The following PRR12 variants were observed in gnomAD, a reference collection of about 807,000 sequenced individuals.
The protein encoded by PRR12 is proline rich 12.
In PRR12, 12 loss-of-function variants were observed where a neutral mutation model predicts 138.0. That is an observed-to-expected ratio of 0.09 (90% confidence interval 0.06 to 0.14). The LOEUF is 0.14. PRR12 is among the 10% of genes least tolerant of loss of function. The pLI is 1.00. For synonymous variants in PRR12, 1,567 were observed against 1,291.7 expected (o/e 1.21, Z -4.57); for missense variants, 2,692 against 2,861.3 (o/e 0.94, Z 1.35).
intron 5 of PRR12, among the ~76,000 whole-genome samples, chr19:49,600,526 C>T (rs1047308561): frequency 6.6e-6 from 1 of 151,244 alleles, no homozygotes; most frequent in African/African-American, 2.4e-5. Context: ...TGGACCACAC[C>T]TGTAATCCTA....
intron 8 of PRR12, among the ~76,000 whole-genome samples, chr19:49,615,273 G>A (rs2080885821): frequency 2.0e-5 from 3 of 150,386 alleles, no homozygotes; most frequent in African/African-American, 7.4e-5. Context: ...AGAACCAGAC[G>A]CATGAGGGAG....
At position 49,597,610 on chromosome 19, in the gene PRR12, A is replaced by G. The variant is rs2080782949; in HGVS notation, c.3275A>G (p.Lys1092Arg). Residue 1092 changes from lysine to arginine, a missense_variant, in exon 4 of 14, where the codon AAG (lysine) becomes AGG (arginine). Coordinates refer to ENST00000418929, the MANE Select transcript of PRR12 (RefSeq NM_020719.3). This position sits in a 1 kb window ranked among gnomAD's most constrained non-coding sequence, Gnocchi z 6.3. ...CGCGACCCACCCTTCCAGACCCCCA[A>G]GAAGCTGTACGCCCAGGAGTACGAG... ...RRRDPPFQTP[K>R]KLYAQEYEFE... 1 of 1,609,996 alleles carries G rather than the reference A, an allele frequency of 6.2e-7. No homozygotes were observed. The highest frequency in any genetic ancestry group is 8.5e-7 in the Non-Finnish European group (1 of 1,178,896).
rs1016533763 is a variant in PRR12 at position 49,616,397 on chromosome 19, G to C, written c.5497+178G>C. Among the ~76,000 whole-genome samples the C allele has an allele frequency of 1.3e-5, 2 of 152,106 alleles. No individual in the cohort carries two copies. The highest frequency in any genetic ancestry group is 4.8e-5 in the African/African-American group (2 of 41,404). On this transcript the variant is annotated intron_variant, in intron 9 of 13. Transcript: ENST00000418929. This position sits in a 1 kb window ranked among gnomAD's most constrained non-coding sequence, Gnocchi z 4.2. ...TACACGACAGGCTGCCTCCTGAGAA[G>C]CTGATGGATGTTAACTTGTGTAATT... is the stretch of plus-strand genomic sequence containing the variant.
chr19:49,620,294 A>G, intron 9 of PRR12, 58 bp from the exon 10 acceptor site: 1 of 1,604,894 alleles, frequency 6.2e-7, no homozygotes, highest in Non-Finnish European at 8.5e-7. Context: ...AGTGTCTGCC[A>G]CACAGGTGGT....
rs1431492702 is a variant in PRR12 at position 49,595,498 on chromosome 19, G to T, written c.1163G>T (p.Gly388Val). The T allele has an allele frequency of 2.6e-6, 4 of 1,558,986 alleles. No individual in the cohort carries two copies. Among genetic ancestry groups the T allele is most frequent in the Non-Finnish European group, 3.5e-6 (4 of 1,152,372 alleles). The change falls in exon 4 of 14, where the codon GGG becomes GTG. Residue 388 changes from glycine to valine, a missense_variant. Gly to Val is a moderately radical substitution (Grantham distance 109). This residue lies in a region of PRR12 where 523 missense variants were observed against 496.4 expected (regional missense o/e 1.05). Transcript: ENST00000418929. ...TACCGCCCCATCATTCAGTCGCCTGGGTACAAGACGGGCAAAGGTGGTTAT... is the reference window on the plus strand; with the variant it reads ...TACCGCCCCATCATTCAGTCGCCTGTGTACAAGACGGGCAAAGGTGGTTAT... The part of the protein sequence containing the change: ...GGYRPIIQSP[G>V]YKTGKGGYGA...
intron 5 of PRR12, among the ~76,000 whole-genome samples, chr19:49,600,216 CAG>C (rs757421265): frequency 2.6e-5 from 4 of 151,946 alleles, no homozygotes; most frequent in East Asian, 1.9e-4. Flanking sequence ...AGGGACAGGA[CAG>C]GGGCTACTCA....
rs201161028 is a variant in PRR12 at position 49,599,510 on chromosome 19, C to T, written c.3917C>T (p.Pro1306Leu). ...CTCTACCAGGCGGGCCTGACGCCTCCGCTCAGCCCTCCCAAGAGTGTGCCA... is the reference window on the plus strand; with the variant it reads ...CTCTACCAGGCGGGCCTGACGCCTCTGCTCAGCCCTCCCAAGAGTGTGCCA... The part of the protein sequence containing the change: ...PPLYQAGLTP[P>L]LSPPKSVPPS... Residue 1306 changes from proline (P) to leucine (L), a missense_variant, in exon 5 of 14, where the codon CCG becomes CTG. Physicochemically the swap from Pro to Leu is moderately conservative, Grantham distance 98. This residue lies in a region of PRR12 where 326 missense variants were observed against 344.2 expected (regional missense o/e 0.95). Coordinates refer to ENST00000418929, the MANE Select transcript of PRR12 (RefSeq NM_020719.3). The surrounding 1 kb of genome is among the most constrained non-coding windows in gnomAD (Gnocchi z 5.0). 1.3e-4 allele frequency: 210 copies of T among 1,597,298 alleles called. No individual in the cohort carries two copies. Among genetic ancestry groups the T allele is most frequent in the Non-Finnish European group, 1.5e-4 (181 of 1,172,738 alleles).
rs1394022557 is a variant in PRR12, at chr19:49,596,723, G to A, written c.2388G>A (p.Pro796=). 7.5e-6 allele frequency: 12 copies of A among 1,604,038 alleles called. No homozygotes were observed. In the African/African-American group the frequency reaches 8.1e-5, roughly 11 times the overall value. Residue 796 remains proline (P), a synonymous_variant, in exon 4 of 14, where the codon CCG becomes CCA. Transcript: ENST00000418929. The surrounding 1 kb of genome is among the most constrained non-coding windows in gnomAD (Gnocchi z 5.6). ...CTGACCTCCCACTGGTGCTGCCTCC[G>A]CCTCCCCCCCAGCTGCTCCCCTCGG... ...GGPDLPLVLP[P]PPPQLLPSVL... is the part of the protein sequence containing the mutation.
intron 6 of PRR12, among the ~76,000 whole-genome samples, chr19:49,607,941 C>T (rs1011437467): frequency 1.3e-5 from 2 of 152,010 alleles, no homozygotes; most frequent in Non-Finnish European, 2.9e-5. Flanking sequence ...ATCACTTGAA[C>T]CTTGGAGGCG....
At chr19:49,603,568 T>G (rs1248402097) in intron 6 of PRR12, among the ~76,000 whole-genome samples, 3 of 152,086 alleles carry the variant, frequency 2.0e-5, no homozygotes, top group African/African-American at 7.2e-5. Context: ...AGGGCGCACC[T>G]GTGATCCCAT....
Position 49,597,355 on chromosome 19 carries a change from G to A in PRR12, c.3020G>A (p.Gly1007Asp). ...RASGAGPETPGLGLDPNKPPE... is the reference protein window; with the variant it reads ...RASGAGPETPDLGLDPNKPPE... ...TCGGGAGCCGGGCCCGAGACACCGGGCCTGGGCCTGGACCCCAACAAACCG... is the reference window on the plus strand; with the variant it reads ...TCGGGAGCCGGGCCCGAGACACCGGACCTGGGCCTGGACCCCAACAAACCG... The change falls in exon 4 of 14, where the codon GGC (glycine) becomes GAC (aspartate). Residue 1007 changes from glycine to aspartate, a missense_variant. Physicochemically the swap from Gly to Asp is moderately conservative, Grantham distance 94. Transcript: ENST00000418929. The surrounding 1 kb of genome is among the most constrained non-coding windows in gnomAD (Gnocchi z 6.3). 6.5e-7 allele frequency: 1 copy of A among 1,539,162 alleles called. No homozygotes were observed. The highest frequency in any genetic ancestry group is 8.7e-7 in the Non-Finnish European group (1 of 1,146,920).
Position 49,594,491 on chromosome 19 carries a change from G to A in PRR12, c.237G>A (p.Ala79=), listed in dbSNP as rs542662548. The part of the protein sequence containing the change: ...SGLFDTGLHH[A]GSAGPDASVM... ...TCTTCGACACTGGCCTCCACCACGC[G>A]GGCTCAGCAGGGCCCGACGCCTCCG... is the stretch of plus-strand genomic sequence containing the variant. The change falls in exon 3 of 14, where the codon GCG becomes GCA. Residue 79 remains alanine, a synonymous_variant. Transcript: ENST00000418929. The surrounding 1 kb of genome is among the most constrained non-coding windows in gnomAD (Gnocchi z 5.6). 90 of 1,612,678 alleles carry A rather than the reference G, an allele frequency of 5.6e-5. 1 individual carries two copies. Among genetic ancestry groups the A allele is most frequent in the South Asian group, 2.5e-4 (23 of 90,906 alleles).
chr19:49,616,942 A>C lies in PRR12; in HGVS notation c.5497+723A>C, dbSNP rs181842270. ...TCAGGAGTTCAAGACCAGCCTGACCAACATGGTGAAATCCCGGCTTTACTA... is the reference window on the plus strand; with the variant it reads ...TCAGGAGTTCAAGACCAGCCTGACCCACATGGTGAAATCCCGGCTTTACTA... On this transcript the variant is annotated intron_variant, in intron 9 of 13. Coordinates refer to ENST00000418929, the MANE Select transcript of PRR12 (RefSeq NM_020719.3). This position sits in a 1 kb window ranked among gnomAD's most constrained non-coding sequence, Gnocchi z 4.2. Among the ~76,000 whole-genome samples, 29 of 152,272 alleles carry C rather than the reference A, an allele frequency of 1.9e-4. No homozygotes were observed. Among genetic ancestry groups the C allele is most frequent in the Admixed American group, 3.9e-4 (6 of 15,296 alleles).
Position 49,614,467 on chromosome 19 carries a change from C to G in PRR12, c.4774-66C>G. The G allele has an allele frequency of 1.7e-6, 2 of 1,179,584 alleles. No individual in the cohort carries two copies. Among genetic ancestry groups the G allele is most frequent in the Non-Finnish European group, 2.3e-6 (2 of 855,540 alleles). 73.1% of individuals were successfully genotyped at this position (1,179,584 alleles called of 1,614,324 possible). A position where few individuals can be genotyped will look rare whatever the true frequency, so the allele number is the denominator to read the frequency against. ...GGTGAGGGAAGCCAGTGGGCCAGGGCGTAGGGGCAGTAGGTCTAGGAATGA... is the reference window on the plus strand; with the variant it reads ...GGTGAGGGAAGCCAGTGGGCCAGGGGGTAGGGGCAGTAGGTCTAGGAATGA... On this transcript the variant is annotated intron_variant, in intron 6 of 13. Coordinates refer to ENST00000418929, the MANE Select transcript of PRR12 (RefSeq NM_020719.3). This position sits in a 1 kb window ranked among gnomAD's most constrained non-coding sequence, Gnocchi z 5.0.
At position 49,598,031 on chromosome 19, in the gene PRR12, C is replaced by G; in HGVS notation, c.3678+18C>G. 1 of 1,331,934 alleles carries G rather than the reference C, an allele frequency of 7.5e-7. No homozygotes were observed. Among genetic ancestry groups the G allele is most frequent in the African/African-American group, 1.6e-5 (1 of 64,320 alleles). The allele number at this position is 1,331,934 out of a possible 1,614,324, so 82.5% of individuals were successfully genotyped here. On this transcript the variant is annotated intron_variant, in intron 4 of 13. Coordinates refer to ENST00000418929, the MANE Select transcript of PRR12 (RefSeq NM_020719.3). Reference sequence around the variant, plus strand: ...CACTTAAGGTGAGGGGAAATGGGGTCTTGTAGGGGATAGGGGAGGAGGAGC... The same window carrying G: ...CACTTAAGGTGAGGGGAAATGGGGTGTTGTAGGGGATAGGGGAGGAGGAGC...
At chr19:49,622,363 C>T (rs2080927476) in intron 11 of PRR12, among the ~76,000 whole-genome samples, 1 of 151,634 alleles carries the variant, frequency 6.6e-6, no homozygotes, top group African/African-American at 2.4e-5. Flanking sequence ...GGTAGATGGC[C>T]TGAGGTCAAG....
intron 5 of PRR12, 85 bp downstream of exon 5, chr19:49,600,023 T>G (rs1599789921): frequency 1.5e-6 from 2 of 1,335,134 alleles, no homozygotes; most frequent in East Asian, 5.0e-5. Flanking sequence ...ACGCACTGTT[T>G]AAGAGACACC....
At chr19:49,618,881 C>G (rs778009006) in intron 9 of PRR12, among the ~76,000 whole-genome samples, 1 of 151,964 alleles carries the variant, frequency 6.6e-6, no homozygotes, top group African/African-American at 2.4e-5. Flanking sequence ...AGTCTGTCCC[C>G]TGCTTGGCTT....
rs771487552 is a variant in PRR12, at chr19:49,601,767, C to G, written c.4622C>G (p.Pro1541Arg). ...AAPSPEDPEL[P>R]DTRPLHLAKK... The stretch of plus-strand genomic sequence containing the variant: ...CCGTCTCCCGAAGACCCCGAGCTGC[C>G]GGACACCCGGCCCCTGCATCTGGCC... The change falls in exon 6 of 14, where the codon CCG (proline) becomes CGG (arginine). Residue 1541 changes from proline (P) to arginine (R), a missense_variant. By Grantham distance (103) the Pro-to-Arg change is moderately radical (BLOSUM62 -2). Coordinates refer to ENST00000418929, the MANE Select transcript of PRR12 (RefSeq NM_020719.3). 8.1e-6 allele frequency: 13 copies of G among 1,595,650 alleles called. No individual in the cohort carries two copies. In the East Asian group the frequency reaches 1.8e-4, roughly 22 times the overall value.
Sources: allele counts gnomAD v4.1 joint callset (sites outside exome capture counted in the v4.1 genomes callset), GRCh38; gene constraint gnomAD v4.1.1; regional missense constraint gnomAD v4.1.1; non-coding constraint Gnocchi (gnomAD v3.1); transcripts MANE v1.5; gene names NCBI Gene and HGNC (gene_info 2026-07-23, HGNC 2026-07-21).